Variants in TMEM71 observed in about 807,000 individuals in gnomAD.
TMEM71 encodes the protein transmembrane protein 71.
TMEM71 carries 44 observed loss-of-function variants against 38.0 expected under a neutral mutation model. That is an observed-to-expected ratio of 1.16 (90% confidence interval 0.91 to 1.49). The LOEUF is 1.49. Ranked by LOEUF, TMEM71 falls within the 40% of genes most tolerant of loss-of-function variation. The pLI is 0.00. For synonymous variants in TMEM71, 133 were observed against 122.5 expected (o/e 1.09, Z -0.56); for missense variants, 367 against 348.6 (o/e 1.05, Z -0.42).
At chr8:132,746,410 TAC>T (rs1190151710) in intron 5 of TMEM71, among the ~76,000 whole-genome samples, 10 of 15,478 alleles carry the variant, frequency 6.5e-4, no homozygotes, top group African/African-American at 1.1e-3. Context: ...CATATATATA[TAC>T]ACACACATAT....
At chr8:132,705,880 G>T (rs1826089038), downstream of TMEM71, among the ~76,000 whole-genome samples, 1 of 152,132 alleles carries the variant, frequency 6.6e-6, no homozygotes, top group African/African-American at 2.4e-5. Flanking sequence ...TTTGGTAACT[G>T]AGTATTATGT....
chr8:132,706,376 C>T (rs1289280629), downstream of TMEM71, among the ~76,000 whole-genome samples: 1 of 152,090 alleles, frequency 6.6e-6, no homozygotes, highest in Non-Finnish European at 1.5e-5. Flanking sequence ...GGGCAGGCAC[C>T]ATATTTTAAA....
At chr8:132,772,975 T>C in the TMEM71 span, among the ~76,000 whole-genome samples, 9 of 152,232 alleles carry the variant, frequency 5.9e-5, no homozygotes, top group Admixed American at 5.2e-4. Flanking sequence ...AGTGTTTCCT[T>C]ACATTACACA....
chr8:132,728,072 T>C lies in TMEM71; in HGVS notation c.488-86A>G, dbSNP rs1827254704. 3 of 1,024,756 alleles carry C rather than the reference T, an allele frequency of 2.9e-6. No homozygotes were observed. In the South Asian group the frequency reaches 4.9e-5, roughly 17 times the overall value. 63.5% of individuals were successfully genotyped at this position (1,024,756 alleles called of 1,614,324 possible). A position where few individuals can be genotyped will look rare whatever the true frequency, so the allele number is the denominator to read the frequency against. On this transcript the variant is annotated intron_variant, in intron 5 of 9. Coordinates refer to ENST00000677595, the MANE Select transcript of TMEM71 (RefSeq NM_001382403.1). ...TGTTCAGTGACTGCTCAATGCACAG[T>C]TAGTTCCTAATAATCACAAAAATAG...
rs537193796 is a variant in TMEM71, at chr8:132,720,650, A to C, written c.752+1390T>G. 5.1e-4 allele frequency among the ~76,000 whole-genome samples: 78 copies of C among 152,306 alleles called. 1 individual carries two copies. The highest frequency in any genetic ancestry group is 1.8e-3 in the African/African-American group (74 of 41,562). On this transcript the variant is annotated intron_variant, in intron 7 of 9. Coordinates refer to ENST00000677595, the MANE Select transcript of TMEM71 (RefSeq NM_001382403.1). ...AGCTTATTTTAAATTACCAATTCTCAGTAAATCTTAATTAGAATCTCAAGA... is the reference window on the plus strand; with the variant it reads ...AGCTTATTTTAAATTACCAATTCTCCGTAAATCTTAATTAGAATCTCAAGA...
chr8:132,723,247 C>T (rs1158509630), intron 6 of TMEM71, among the ~76,000 whole-genome samples: 1 of 152,292 alleles, frequency 6.6e-6, no homozygotes, highest in Admixed American at 6.5e-5. Context: ...CTCAACCATC[C>T]TTCTAAAGTG....
At chr8:132,747,852 G>C (rs1001059563) in intron 4 of TMEM71, among the ~76,000 whole-genome samples, 1 of 152,214 alleles carries the variant, frequency 6.6e-6, no homozygotes, top group Non-Finnish European at 1.5e-5. Flanking sequence ...TGCTACAAGG[G>C]AGTTGGAATT....
chr8:132,726,807 C>G (rs562199950), intron 6 of TMEM71, among the ~76,000 whole-genome samples: 2 of 151,870 alleles, frequency 1.3e-5, no homozygotes, highest in Non-Finnish European at 2.9e-5. Context: ...TTGTCAGAAG[C>G]ATAGCATTAA....
downstream of TMEM71, among the ~76,000 whole-genome samples, chr8:132,706,387 A>T (rs1343718412): frequency 6.6e-6 from 1 of 152,090 alleles, no homozygotes; most frequent in African/African-American, 2.4e-5. Context: ...ATATTTTAAA[A>T]CATCTGTACC....
chr8:132,772,159 T>C, the TMEM71 span, among the ~76,000 whole-genome samples: 3 of 152,218 alleles, frequency 2.0e-5, no homozygotes, highest in East Asian at 5.8e-4. Flanking sequence ...ATCTGGTATT[T>C]AGTAGTAACT....
intron 6 of TMEM71, among the ~76,000 whole-genome samples, chr8:132,723,846 A>G (rs1826983453): frequency 6.6e-6 from 1 of 152,156 alleles, no homozygotes; most frequent in South Asian, 2.1e-4. Context: ...ACCCACCCCC[A>G]ACATTTCAAC....
chr8:132,729,222 G>A (rs1056874675), intron 5 of TMEM71, among the ~76,000 whole-genome samples: 25 of 152,106 alleles, frequency 1.6e-4, no homozygotes, highest in African/African-American at 6.0e-4. Flanking sequence ...AGAGATTAGG[G>A]GATCCAAAAC....
the TMEM71 span, among the ~76,000 whole-genome samples, chr8:132,766,953 G>A: frequency 6.6e-6 from 1 of 152,148 alleles, no homozygotes; most frequent in Admixed American, 6.5e-5. Context: ...ATCTTAGCCT[G>A]TATGTTCAAC....
At chr8:132,746,174 G>A (rs1264499894) in intron 5 of TMEM71, among the ~76,000 whole-genome samples, 1 of 150,376 alleles carries the variant, frequency 6.6e-6, no homozygotes, top group African/African-American at 2.5e-5. Flanking sequence ...TAAAATAAAA[G>A]TTGAAAAAGA....
chr8:132,709,372 A>C (rs6987397), downstream of TMEM71, among the ~76,000 whole-genome samples: 18,713 of 152,114 alleles, frequency 0.12, 3,217 homozygotes, highest in African/African-American at 0.39. Flanking sequence ...AAATTATTAC[A>C]CGAGGCTATT....
intron 6 of TMEM71, among the ~76,000 whole-genome samples, chr8:132,723,171 T>C (rs899465241): frequency 6.6e-6 from 1 of 152,244 alleles, no homozygotes; most frequent in African/African-American, 2.4e-5. Flanking sequence ...TAGTAAATTA[T>C]GTCACTGCAA....
chr8:132,742,794 C>T (rs1403098027), intron 5 of TMEM71, among the ~76,000 whole-genome samples: 2 of 152,120 alleles, frequency 1.3e-5, no homozygotes, highest in Non-Finnish European at 2.9e-5. Flanking sequence ...TGTATTAGTC[C>T]GTTTTCAGGC....
chr8:132,730,297 T>C (rs1049495984), intron 5 of TMEM71, among the ~76,000 whole-genome samples: 4 of 152,118 alleles, frequency 2.6e-5, no homozygotes, highest in African/African-American at 9.7e-5. Flanking sequence ...ATTAATATTT[T>C]AAAAAGTCTC....
intron 3 of TMEM71, among the ~76,000 whole-genome samples, chr8:132,755,432 T>G (rs892847927): frequency 3.3e-5 from 5 of 152,160 alleles, no homozygotes; most frequent in Non-Finnish European, 5.9e-5. Context: ...CCTTTCCAAT[T>G]GGTTTCTAAA....
Sources: allele counts gnomAD v4.1 joint callset (sites outside exome capture counted in the v4.1 genomes callset), GRCh38; gene constraint gnomAD v4.1.1; transcripts MANE v1.5; gene names NCBI Gene and HGNC (gene_info 2026-07-23, HGNC 2026-07-21).